Variants in EIF4E2 observed in about 807,000 individuals in gnomAD.
EIF4E2 encodes eukaryotic translation initiation factor 4E type 2.
In EIF4E2, 13 loss-of-function variants were observed where a neutral mutation model predicts 34.2. That is an observed-to-expected ratio of 0.38 (90% CI 0.25 to 0.60). EIF4E2 has a LOEUF of 0.60. EIF4E2 is among the 20% of genes least tolerant of loss of function. The pLI is 0.62. For missense variants in EIF4E2, 222 were observed against 315.1 expected (o/e 0.70, Z 2.24); for synonymous variants, 100 against 106.6 (o/e 0.94, Z 0.38).
At chr2:232,551,227 G>A (rs1282270799) in intron 1 of EIF4E2, 1 of 475,352 alleles carries the variant, frequency 2.1e-6, no homozygotes. Flanking sequence ...AGGTAATGTG[G>A]TTGCTGCCCT....
intron 6 of EIF4E2, among the ~76,000 whole-genome samples, chr2:232,580,036 A>C (rs1172741108): frequency 6.6e-6 from 1 of 151,676 alleles, no homozygotes; most frequent in Non-Finnish European, 1.5e-5. Flanking sequence ...GTCTGCATCC[A>C]ATAAAAGGCA....
chr2:232,556,616 AT>A, intron 2 of EIF4E2, 86 bp downstream of exon 2: 2 of 942,990 alleles, frequency 2.1e-6, no homozygotes, highest in Non-Finnish European at 3.3e-6. Context: ...AAGATACCAG[AT>A]TAACTTGATG....
chr2:232,582,195 G>A (rs920839399), exon 7 of EIF4E2: 11 of 152,706 alleles, frequency 7.2e-5, no homozygotes, highest in African/African-American at 2.6e-4. Context: ...AAGTAGCACC[G>A]TCTTACTTGG....
At chr2:232,565,660 C>T (rs1184357753) in intron 4 of EIF4E2, among the ~76,000 whole-genome samples, 1 of 151,812 alleles carries the variant, frequency 6.6e-6, no homozygotes, top group Non-Finnish European at 1.5e-5. Flanking sequence ...AAAAAAGACC[C>T]ACTTCTTGAC....
At chr2:232,568,058 T>C (rs1692996909) in intron 6 of EIF4E2, 1 of 985,148 alleles carries the variant, frequency 1.0e-6, no homozygotes, top group Admixed American at 6.1e-5. Context: ...CAGTACTTTA[T>C]CTAACAAGGC....
rs888251777 is a variant in EIF4E2 at position 232,566,174 on chromosome 2, G to A, written c.376-655G>A. 3.1e-4 allele frequency among the ~76,000 whole-genome samples: 47 copies of A among 151,248 alleles called. 1 individual carries two copies. Among genetic ancestry groups the A allele is most frequent in the Non-Finnish European group, 6.0e-4 (41 of 67,834 alleles). On this transcript the variant is annotated intron_variant, in intron 4 of 6. Coordinates refer to ENST00000258416, the MANE Select transcript of EIF4E2 (RefSeq NM_004846.4). The surrounding 1 kb of genome is among the most constrained non-coding windows in gnomAD (Gnocchi z 4.9). ...GTGACAGTCAGTACTTTTTTTTGTC[G>A]TCGTTGTTGTTTTGTTTTGTTTTGT...
chr2:232,559,219 T>TTAA (rs1553582295), intron 3 of EIF4E2, among the ~76,000 whole-genome samples: 7 of 66,950 alleles, frequency 1.0e-4, no homozygotes, highest in Admixed American at 6.3e-4. Flanking sequence ...ACTTAAAGTA[T>TTAA]AAAAAAAAAA....
At chr2:232,563,504 G>GAA (rs1285174185) in intron 3 of EIF4E2, among the ~76,000 whole-genome samples, 1 of 152,074 alleles carries the variant, frequency 6.6e-6, no homozygotes, top group Non-Finnish European at 1.5e-5. Flanking sequence ...TTTTCTCACG[G>GAA]GATTGTGAAG....
At chr2:232,551,062 G>A in intron 1 of EIF4E2, 1 of 630,212 alleles carries the variant, frequency 1.6e-6, no homozygotes, top group Non-Finnish European at 3.0e-6. Flanking sequence ...TGGAGGGGTG[G>A]GGACCTCGGC....
At position 232,569,078 on chromosome 2, in the gene EIF4E2, G is replaced by A. The variant is rs1488181225; in HGVS notation, c.*61G>A. 4 of 1,593,930 alleles carry A rather than the reference G, an allele frequency of 2.5e-6. No individual in the cohort carries two copies. The highest frequency in any genetic ancestry group is 3.4e-6 in the Non-Finnish European group (4 of 1,169,232). ...TGGCGTCATCGGAGTCTCTTGTTCTGTTGGCGTGCTACCTGGAAGATCCTT... is the reference window on the plus strand; with the variant it reads ...TGGCGTCATCGGAGTCTCTTGTTCTATTGGCGTGCTACCTGGAAGATCCTT... On this transcript the variant is annotated 3_prime_UTR_variant, in exon 7 of 7. Transcript: ENST00000258416.
chr2:232,564,155 T>G, intron 3 of EIF4E2, 92 bp from the exon 4 acceptor site: 1 of 801,396 alleles, frequency 1.2e-6, no homozygotes, highest in East Asian at 2.9e-5. Context: ...GTGTCTTCCA[T>G]GCTTATGTTC....
At chr2:232,582,591 A>G (rs1254190073) in exon 7 of EIF4E2, 3 of 152,234 alleles carry the variant, frequency 2.0e-5, no homozygotes, top group Non-Finnish European at 2.9e-5. Context: ...TGGAGAGCAA[A>G]GGCTGTCTTT....
intron 1 of EIF4E2, chr2:232,550,995 C>T (rs1001768561): frequency 1.8e-5 from 11 of 613,066 alleles, no homozygotes; most frequent in African/African-American, 3.7e-5. Flanking sequence ...GCTGTGCCGC[C>T]CGGTAGGGGG....
At chr2:232,563,025 T>C (rs1201378330) in intron 3 of EIF4E2, among the ~76,000 whole-genome samples, 4 of 152,252 alleles carry the variant, frequency 2.6e-5, no homozygotes, top group African/African-American at 9.6e-5. Flanking sequence ...TGATTTCTCC[T>C]TAGGTGCTCC....
At chr2:232,579,057 C>CA (rs1437934778) in intron 6 of EIF4E2, among the ~76,000 whole-genome samples, 6 of 150,888 alleles carry the variant, frequency 4.0e-5, no homozygotes, top group Non-Finnish European at 7.4e-5. Flanking sequence ...AGTGTAGGTA[C>CA]AAAAAAAGTG....
In EIF4E2 at chr2:232,564,256, T is replaced by C; in HGVS notation, c.280T>C (p.Phe94Leu). Residue 94 changes from phenylalanine (F) to leucine (L), a missense_variant, in exon 4 of 7, where the codon TTC becomes CTC. By Grantham distance (22) the Phe-to-Leu change is conservative. This residue lies in a region of EIF4E2 where 105 missense variants were observed against 195.1 expected (regional missense o/e 0.54). Transcript: ENST00000258416. The part of the protein sequence containing the change: ...QIGTFASVEQ[F>L]WRFYSHMVRP... ...GGTCTTCTCTCTGCAGGTGGAGCAG[T>C]TCTGGAGGTTTTATAGCCACATGGT... is the stretch of plus-strand genomic sequence containing the variant. 2 of 1,593,994 alleles carry C rather than the reference T, an allele frequency of 1.3e-6. No homozygotes were observed. The highest frequency in any genetic ancestry group is 1.7e-6 in the Non-Finnish European group (2 of 1,168,646).
intron 1 of EIF4E2, among the ~76,000 whole-genome samples, chr2:232,552,799 G>GAA (rs5839438): frequency 1.2e-4 from 18 of 150,908 alleles, no homozygotes; most frequent in African/African-American, 2.9e-4. Context: ...AGCATTGCAG[G>GAA]AAAAAAAAAG....
chr2:232,556,137 CTG>C (rs2308164), intron 1 of EIF4E2, among the ~76,000 whole-genome samples: 29,436 of 152,132 alleles, frequency 0.19, 3,308 homozygotes, highest in Admixed American at 0.28. Context: ...ATCCCTTAAA[CTG>C]TATACCTTAA....
intron 1 of EIF4E2, 38 bp downstream of exon 1, chr2:232,550,782 G>A: frequency 1.3e-6 from 2 of 1,539,444 alleles, no homozygotes; most frequent in South Asian, 2.4e-5. Context: ...CCCCTTCCCC[G>A]AACAGTTCCC....
Sources: gnomAD v4.1 joint callset for allele counts (sites outside exome capture counted in the v4.1 genomes callset) on GRCh38, gnomAD v4.1.1 for gene constraint, gnomAD v4.1.1 regional missense constraint, Gnocchi (gnomAD v3.1) non-coding constraint, MANE v1.5 for transcripts, NCBI Gene and HGNC (gene_info 2026-07-23, HGNC 2026-07-21) for gene names.